The following DCC variants were observed in gnomAD, a reference collection of about 807,000 sequenced individuals.
DCC encodes the protein netrin receptor DCC.
Under a neutral mutation model 172.5 loss-of-function variants are expected in DCC, and 58 were observed. The ratio of observed to expected loss-of-function variants is 0.34; its 90% CI spans 0.27 to 0.42. The LOEUF (loss-of-function observed/expected upper bound fraction) is 0.42, where lower values mean the gene tolerates loss of function less well. DCC is among the 10% of genes least tolerant of loss of function. DCC has a pLI of 1.00. For synonymous variants in DCC, 709 were observed against 644.5 expected (o/e 1.10, Z -1.52); for missense variants, 1,740 against 1,791.0 (o/e 0.97, Z 0.51).
intron 1 of DCC, among the ~76,000 whole-genome samples, chr18:52,413,845 C>G (rs1226973960): frequency 1.3e-5 from 2 of 152,166 alleles, no homozygotes; most frequent in South Asian, 2.1e-4. Context: ...GAAAAATACT[C>G]CTTTACATAA....
intron 1 of DCC, among the ~76,000 whole-genome samples, chr18:52,492,864 T>C (rs866424320): frequency 1.3e-5 from 2 of 152,012 alleles, no homozygotes; most frequent in African/African-American, 4.8e-5. Context: ...TGACAGTTGA[T>C]GGTATTTGCA....
chr18:53,449,711 C>A (rs1774222628), intron 22 of DCC, among the ~76,000 whole-genome samples: 1 of 152,142 alleles, frequency 6.6e-6, no homozygotes, highest in Non-Finnish European at 1.5e-5. Flanking sequence ...CCGTACCTTC[C>A]ACTCAGTAGG....
chr18:52,391,183 G>A (rs1334252113), intron 1 of DCC, among the ~76,000 whole-genome samples: 1 of 152,062 alleles, frequency 6.6e-6, no homozygotes, highest in East Asian at 1.9e-4. Flanking sequence ...AGCTACAATA[G>A]TTTATAAGAG....
intron 2 of DCC, among the ~76,000 whole-genome samples, chr18:52,807,536 G>A (rs148360183): frequency 2.9e-5 from 1 of 33,998 alleles, no homozygotes; most frequent in African/African-American, 4.2e-5. Context: ...ACAGCTATTA[G>A]TTTAGTAATG....
At chr18:52,788,575 T>C (rs998131213) in intron 2 of DCC, among the ~76,000 whole-genome samples, 15 of 152,220 alleles carry the variant, frequency 9.9e-5, no homozygotes, top group African/African-American at 3.4e-4. Flanking sequence ...TCATGTGAGC[T>C]AAAAAATATT....
At chr18:53,480,905 G>A (rs2145208077) in intron 25 of DCC, 2 of 152,250 alleles carry the variant, frequency 1.3e-5, no homozygotes, top group Middle Eastern at 3.4e-3. Context: ...TAGCTAGGTG[G>A]TTCAGGGTCA....
chr18:53,066,595 A>C (rs1008516744), intron 7 of DCC, among the ~76,000 whole-genome samples: 1 of 151,040 alleles, frequency 6.6e-6, no homozygotes, highest in Non-Finnish European at 1.5e-5. Context: ...TACCTTGCAT[A>C]TATGTTAGGT....
intron 1 of DCC, among the ~76,000 whole-genome samples, chr18:52,611,150 C>A (rs750953236): frequency 6.6e-6 from 1 of 152,138 alleles, no homozygotes; most frequent in Non-Finnish European, 1.5e-5. Context: ...CTCCTGACAA[C>A]CACATCTTGT....
chr18:52,668,363 T>C lies in DCC; in HGVS notation c.92-83691T>C, dbSNP rs549642313. The stretch of plus-strand genomic sequence containing the variant: ...TTTTAGATTTTAAAGCTCTAATTCA[T>C]GGACAGGAGGTACAGAACAAAAAGG... On this transcript the variant is annotated intron_variant, in intron 1 of 28. Transcript: ENST00000442544. Among the ~76,000 whole-genome samples, 8 of 152,314 alleles carry C rather than the reference T, an allele frequency of 5.3e-5. No individual in the cohort carries two copies. The South Asian group carries it at 1.4e-3, about 28-fold the overall frequency.
intron 2 of DCC, among the ~76,000 whole-genome samples, chr18:52,856,482 C>T (rs971247121): frequency 5.3e-5 from 8 of 151,630 alleles, no homozygotes; most frequent in Non-Finnish European, 8.8e-5. Flanking sequence ...AAAAAATAGC[C>T]GGGCGTGGTG....
intron 25 of DCC, among the ~76,000 whole-genome samples, chr18:53,468,624 C>G (rs2045656520): frequency 6.6e-6 from 1 of 152,060 alleles, no homozygotes; most frequent in Non-Finnish European, 1.5e-5. Flanking sequence ...CTCATGTGAT[C>G]CGTCTTCTTC....
chr18:52,641,919 T>C (rs1293325151), intron 1 of DCC, among the ~76,000 whole-genome samples: 1 of 151,464 alleles, frequency 6.6e-6, no homozygotes, highest in African/African-American at 2.4e-5. Context: ...TAAACATGCA[T>C]GTTTATAGCA....
intron 22 of DCC, among the ~76,000 whole-genome samples, chr18:53,448,605 T>A (rs563310238): frequency 1.3e-5 from 2 of 152,278 alleles, no homozygotes; most frequent in African/African-American, 4.8e-5. Flanking sequence ...ACACCTGCAA[T>A]CCCAGCACTT....
At chr18:53,014,446 C>A (rs1275243947) in intron 5 of DCC, among the ~76,000 whole-genome samples, 3 of 110,326 alleles carry the variant, frequency 2.7e-5, no homozygotes, top group Middle Eastern at 0.01. Context: ...CCCCTCCCCC[C>A]ACCCCACAAC....
chr18:53,194,329 G>T (rs1172358540), intron 9 of DCC, among the ~76,000 whole-genome samples: 1 of 152,062 alleles, frequency 6.6e-6, no homozygotes, highest in African/African-American at 2.4e-5. Context: ...AATGAAACTC[G>T]ATGTGGATTA....
At chr18:52,422,311 C>T (rs1014880847) in intron 1 of DCC, among the ~76,000 whole-genome samples, 1 of 152,158 alleles carries the variant, frequency 6.6e-6, no homozygotes, top group African/African-American at 2.4e-5. Flanking sequence ...TATATTTTCT[C>T]TGAGAGATAC....
At chr18:53,401,654 G>A (rs1226896214) in intron 18 of DCC, among the ~76,000 whole-genome samples, 1 of 134,268 alleles carries the variant, frequency 7.4e-6, no homozygotes, top group Non-Finnish European at 1.7e-5. Context: ...GAATTTTTAT[G>A]TGGAGACCAG....
chr18:53,114,626 G>C (rs1026944298), intron 7 of DCC, among the ~76,000 whole-genome samples: 1 of 151,440 alleles, frequency 6.6e-6, no homozygotes, highest in East Asian at 1.9e-4. Context: ...CCACAAAAAG[G>C]AACAGAAAAA....
chr18:53,116,420 A>G (rs1203031403), intron 7 of DCC, among the ~76,000 whole-genome samples: 2 of 151,666 alleles, frequency 1.3e-5, no homozygotes, highest in African/African-American at 2.4e-5. Context: ...TGGAGAGGAT[A>G]TTTCCTGTCA....
Sources: allele counts gnomAD v4.1 joint callset (sites outside exome capture counted in the v4.1 genomes callset), GRCh38; gene constraint gnomAD v4.1.1; transcripts MANE v1.5; gene names NCBI Gene and HGNC (gene_info 2026-07-23, HGNC 2026-07-21).